Variants in MSRA observed in about 807,000 individuals in gnomAD.
MSRA encodes methionine sulfoxide reductase A, also known as mitochondrial peptide methionine sulfoxide reductase.
In MSRA, 54 loss-of-function variants were observed where a neutral mutation model predicts 31.3. The observed-to-expected ratio is 1.73, with a 90% CI of 1.39 to 2.17. MSRA has a LOEUF of 2.17. Ranked by LOEUF, MSRA falls within the 30% of genes most tolerant of loss-of-function variation. The probability of loss-of-function intolerance (pLI) is 0.00; values close to 1 mark genes in which losing one functional copy is unlikely to be tolerated. For synonymous variants in MSRA, 169 were observed against 116.5 expected, an observed-to-expected ratio of 1.45 and a Z score of -2.90; for missense variants, 507 against 300.9, an observed-to-expected ratio of 1.69 and a Z score of -5.07.
rs759314984 is a variant in MSRA, at chr8:10,134,908, G to A, written c.143-72925G>A. ...ATCAGTCCCAAAGAGCTCTTGCCCC[G>A]GAGTGTTTGTTGTGTAGCCTAGGTG... On this transcript the variant is annotated intron_variant, in intron 1 of 5. Transcript: ENST00000317173. Among the ~76,000 whole-genome samples the A allele has an allele frequency of 2.0e-5, 3 of 152,228 alleles. No individual in the cohort carries two copies. The East Asian group carries it at 5.8e-4, about 29-fold the overall frequency.
intron 5 of MSRA, among the ~76,000 whole-genome samples, chr8:10,386,699 A>G (rs983226821): frequency 6.6e-6 from 1 of 152,090 alleles, no homozygotes; most frequent in Non-Finnish European, 1.5e-5. Context: ...TGCTGATCCC[A>G]GGATCACACT....
intron 5 of MSRA, among the ~76,000 whole-genome samples, chr8:10,427,493 C>T (rs997805683): frequency 1.1e-4 from 16 of 152,200 alleles, no homozygotes; most frequent in African/African-American, 3.9e-4. Context: ...CCCTGACTCC[C>T]CAGGCTCCCT....
intron 2 of MSRA, among the ~76,000 whole-genome samples, chr8:10,216,829 A>C (rs913136283): frequency 9.2e-5 from 14 of 152,088 alleles, no homozygotes; most frequent in Non-Finnish European, 7.4e-5. Context: ...AGTTGCTTCC[A>C]CCTTTTCGCT....
intron 1 of MSRA, among the ~76,000 whole-genome samples, chr8:10,163,266 G>A (rs1804824514): frequency 6.6e-6 from 1 of 152,212 alleles, no homozygotes; most frequent in African/African-American, 2.4e-5. Flanking sequence ...AGCCCCCGCC[G>A]ACTCAGACCA....
At chr8:10,304,421 A>G (rs1801014604) in intron 4 of MSRA, among the ~76,000 whole-genome samples, 1 of 152,274 alleles carries the variant, frequency 6.6e-6, no homozygotes, top group African/African-American at 2.4e-5. Context: ...AATCATTAAA[A>G]CAAGTATGTG....
intron 5 of MSRA, among the ~76,000 whole-genome samples, chr8:10,389,905 C>T (rs924578939): frequency 3.9e-5 from 6 of 151,944 alleles, no homozygotes; most frequent in Non-Finnish European, 5.9e-5. Flanking sequence ...CCATGGTGCA[C>T]GGAGCTGCGC....
At chr8:10,124,163 A>G (rs1801328418) in intron 1 of MSRA, among the ~76,000 whole-genome samples, 1 of 152,142 alleles carries the variant, frequency 6.6e-6, no homozygotes, top group African/African-American at 2.4e-5. Context: ...AGGGGTTTCA[A>G]GACCTTCTTT....
intron 3 of MSRA, among the ~76,000 whole-genome samples, chr8:10,245,527 A>G (rs1797578093): frequency 6.6e-6 from 1 of 152,190 alleles, no homozygotes; most frequent in Non-Finnish European, 1.5e-5. Context: ...GCTCAGCTTT[A>G]TGGTTCTTCT....
At chr8:10,184,298 C>G (rs183523633) in intron 1 of MSRA, among the ~76,000 whole-genome samples, 2 of 151,842 alleles carry the variant, frequency 1.3e-5, no homozygotes, top group East Asian at 1.9e-4. Flanking sequence ...CACAGCCAGC[C>G]TCTTAAATAA....
chr8:10,414,378 G>C lies in MSRA; in HGVS notation c.544-13770G>C, dbSNP rs188395087. Among the ~76,000 whole-genome samples the C allele has an allele frequency of 3.3e-5, 5 of 152,286 alleles. No individual in the cohort carries two copies. In the East Asian group the frequency reaches 9.6e-4, roughly 29 times the overall value. On this transcript the variant is annotated intron_variant, in intron 5 of 5. Transcript: ENST00000317173. ...AGATGAGTGAAACAAACTATCCAGTGCTTCTTACTTAACAGAAACAAATGC... is the reference window on the plus strand; with the variant it reads ...AGATGAGTGAAACAAACTATCCAGTCCTTCTTACTTAACAGAAACAAATGC...
intron 5 of MSRA, among the ~76,000 whole-genome samples, chr8:10,341,762 G>A (rs747805307): frequency 6.6e-6 from 1 of 152,206 alleles, no homozygotes; most frequent in Admixed American, 6.5e-5. Context: ...GAGATGACAT[G>A]TGCCAAGCTC....
chr8:10,085,797 T>A (rs912196843), intron 1 of MSRA, among the ~76,000 whole-genome samples: 1 of 152,212 alleles, frequency 6.6e-6, no homozygotes, highest in African/African-American at 2.4e-5. Flanking sequence ...TCTGTCTCCA[T>A]AGTTATCTTT....
intron 5 of MSRA, among the ~76,000 whole-genome samples, chr8:10,346,116 C>A (rs984186324): frequency 6.6e-5 from 10 of 152,210 alleles, no homozygotes; most frequent in Admixed American, 6.5e-5. Context: ...TTACAAAGTT[C>A]CCTAAGGATA....
chr8:10,223,282 A>T (rs1356791312), intron 2 of MSRA, among the ~76,000 whole-genome samples: 3 of 152,218 alleles, frequency 2.0e-5, no homozygotes, highest in African/African-American at 7.2e-5. Context: ...GGGTCACTTC[A>T]TGAGAGTTGA....
intron 1 of MSRA, among the ~76,000 whole-genome samples, chr8:10,199,977 G>C (rs554169503): frequency 6.6e-6 from 1 of 152,300 alleles, no homozygotes; most frequent in Non-Finnish European, 1.5e-5. Flanking sequence ...CACCAAGGTG[G>C]GTTACTGTGC....
At chr8:10,095,040 T>A (rs191954910) in intron 1 of MSRA, among the ~76,000 whole-genome samples, 71 of 152,342 alleles carry the variant, frequency 4.7e-4, no homozygotes, top group African/African-American at 1.7e-3. Flanking sequence ...ATATTCATTC[T>A]CCATAGGATA....
At chr8:10,328,980 G>A (rs1269894562) in intron 5 of MSRA, among the ~76,000 whole-genome samples, 1 of 152,126 alleles carries the variant, frequency 6.6e-6, no homozygotes, top group Non-Finnish European at 1.5e-5. Flanking sequence ...TTAAAAGGAA[G>A]GATTAACCAT....
intron 1 of MSRA, among the ~76,000 whole-genome samples, chr8:10,175,021 C>T (rs186503518): frequency 6.6e-6 from 1 of 152,274 alleles, no homozygotes; most frequent in Non-Finnish European, 1.5e-5. Context: ...CGTTCTCTGA[C>T]TCATCCGTCC....
chr8:10,246,667 G>C (rs1797638550), intron 3 of MSRA, among the ~76,000 whole-genome samples: 1 of 152,090 alleles, frequency 6.6e-6, no homozygotes, highest in Admixed American at 6.5e-5. Flanking sequence ...GCTACAATAT[G>C]AATTCTATTT....
Sources: gnomAD v4.1 joint callset for allele counts (sites outside exome capture counted in the v4.1 genomes callset) on GRCh38, gnomAD v4.1.1 for gene constraint, MANE v1.5 for transcripts, NCBI Gene and HGNC (gene_info 2026-07-23, HGNC 2026-07-21) for gene names.